CSMD2: variants seen among roughly 807,000 people sequenced by gnomAD.
CSMD2 encodes the protein CUB and sushi domain-containing protein 2.
A neutral mutation model predicts 398.5 loss-of-function variants in CSMD2; 130 were observed. The observed-to-expected ratio is 0.33, with a 90% CI of 0.28 to 0.38. CSMD2 has a LOEUF of 0.38. Ranked by LOEUF, CSMD2 falls within the 10% of genes least tolerant of loss-of-function variation. CSMD2 has a pLI of 1.00. For missense variants in CSMD2, 3,829 were observed against 4,764.9 expected, an observed-to-expected ratio of 0.80 and a Z score of 5.78; for synonymous variants, 1,828 against 1,908.5, an observed-to-expected ratio of 0.96 and a Z score of 1.10.
At chr1:33,821,544 TC>T (rs1325431496) in intron 7 of CSMD2, among the ~76,000 whole-genome samples, 1 of 152,176 alleles carries the variant, frequency 6.6e-6, no homozygotes, top group Non-Finnish European at 1.5e-5. Context: ...TTCGGCATTT[TC>T]CAACTTTGCG....
At chr1:33,928,658 C>T (rs10914817) in intron 4 of CSMD2, among the ~76,000 whole-genome samples, 17,194 of 152,222 alleles carry the variant, frequency 0.11, 1,108 homozygotes, top group Non-Finnish European at 0.15. Context: ...TATCGTGAAA[C>T]GTTCTGGTAT....
chr1:33,601,448 G>T (rs762468213), intron 43 of CSMD2, among the ~76,000 whole-genome samples: 7 of 152,142 alleles, frequency 4.6e-5, no homozygotes, highest in South Asian at 2.1e-4. Flanking sequence ...TGGGACAAAA[G>T]ATTTCTTCCC....
At chr1:33,914,935 A>G (rs1643646445) in intron 5 of CSMD2, among the ~76,000 whole-genome samples, 1 of 152,202 alleles carries the variant, frequency 6.6e-6, no homozygotes, top group African/African-American at 2.4e-5. Context: ...AAAATGACCA[A>G]TCCTATGTTT....
At chr1:34,131,443 T>C (rs1018953058) in intron 1 of CSMD2, among the ~76,000 whole-genome samples, 1 of 152,170 alleles carries the variant, frequency 6.6e-6, no homozygotes, top group Non-Finnish European at 1.5e-5. Context: ...TGTCCCTGTC[T>C]TGCACTCTCT....
intron 6 of CSMD2, among the ~76,000 whole-genome samples, chr1:33,831,579 G>A (rs1423458209): frequency 6.6e-6 from 1 of 151,738 alleles, no homozygotes; most frequent in East Asian, 1.9e-4. Flanking sequence ...AAAGACCATC[G>A]AGACTAGGAA....
At chr1:33,765,184 T>C (rs1650338004) in intron 13 of CSMD2, among the ~76,000 whole-genome samples, 1 of 152,194 alleles carries the variant, frequency 6.6e-6, no homozygotes, top group Non-Finnish European at 1.5e-5. Context: ...AAAATCCCAA[T>C]AGGATGTTTT....
At chr1:33,917,412 CAGAA>C (rs1474382627) in intron 5 of CSMD2, among the ~76,000 whole-genome samples, 1 of 152,216 alleles carries the variant, frequency 6.6e-6, no homozygotes, top group Non-Finnish European at 1.5e-5. Context: ...CTCACCCAAA[CAGAA>C]AGCCAGATAC....
rs1395540537 is a variant in CSMD2 at position 33,533,632 on chromosome 1, GA to G, written c.9991+163del. ...CCAATATCAGAAAGGCTTTTGTGTG[GA>G]AGTCTTCTGTGAGGCCCCAAAGTGT... On this transcript the variant is annotated intron_variant, in intron 63 of 70. Transcript: ENST00000373381. This position sits in a 1 kb window ranked among gnomAD's most constrained non-coding sequence, Gnocchi z 4.2. Among the ~76,000 whole-genome samples, 4 of 152,304 alleles carry G rather than the reference GA, an allele frequency of 2.6e-5. No homozygotes were observed. The highest frequency in any genetic ancestry group is 1.3e-4 in the Admixed American group (2 of 15,298).
chr1:34,032,807 A>T, intron 2 of CSMD2, 101 bp from the exon 3 acceptor site: 1 of 744,858 alleles, frequency 1.3e-6, no homozygotes, highest in East Asian at 3.0e-5. Flanking sequence ...GTGCTGATCT[A>T]GGCACACAGA....
In CSMD2 at chr1:33,693,559, TC is replaced by T. The variant is rs113736800; in HGVS notation, c.3926-504del. ...TGGTTCCTCAAAATGTTAAACATAG[TC>T]ACCATATGACCTAGCAATTCTGCTC... On this transcript the variant is annotated intron_variant, in intron 24 of 70. Coordinates refer to ENST00000373381, the MANE Select transcript of CSMD2 (RefSeq NM_001281956.2). 3.0e-3 allele frequency among the ~76,000 whole-genome samples: 450 copies of T among 152,298 alleles called. 6 individuals are homozygous for T. The highest frequency in any genetic ancestry group is 0.01 in the African/African-American group (433 of 41,566).
At chr1:33,850,724 A>C (rs1039175564) in intron 5 of CSMD2, among the ~76,000 whole-genome samples, 3 of 149,198 alleles carry the variant, frequency 2.0e-5, no homozygotes, top group Non-Finnish European at 4.4e-5. Context: ...AGTACAACAT[A>C]AAATGTATTT....
chr1:33,826,344 C>A (rs1007094264), intron 6 of CSMD2, among the ~76,000 whole-genome samples: 1 of 152,166 alleles, frequency 6.6e-6, no homozygotes, highest in Non-Finnish European at 1.5e-5. Context: ...TTGTGACTTG[C>A]TTTGGCCATG....
At chr1:33,648,516 A>G (rs1359140273) in intron 28 of CSMD2, among the ~76,000 whole-genome samples, 2 of 152,228 alleles carry the variant, frequency 1.3e-5, no homozygotes, top group Admixed American at 6.5e-5. Flanking sequence ...CTACCAGGGA[A>G]TGGAAGTGTA....
intron 1 of CSMD2, among the ~76,000 whole-genome samples, chr1:34,152,674 T>C (rs938417674): frequency 2.0e-5 from 3 of 152,208 alleles, no homozygotes; most frequent in Non-Finnish European, 4.4e-5. Context: ...CCTTGATCCC[T>C]TGTGTCTAAA....
At chr1:33,562,674 G>C (rs1658682411) in intron 53 of CSMD2, among the ~76,000 whole-genome samples, 1 of 152,210 alleles carries the variant, frequency 6.6e-6, no homozygotes, top group African/African-American at 2.4e-5. Context: ...AGATGTTTCT[G>C]TGAAGGGGTA....
chr1:33,519,269 C>T lies in CSMD2; in HGVS notation c.*53+196G>A, dbSNP rs186478099. Among the ~76,000 whole-genome samples the T allele has an allele frequency of 3.2e-4, 49 of 152,328 alleles. No homozygotes were observed. The East Asian group carries it at 5.4e-3, about 17-fold the overall frequency. Reference sequence around the variant, plus strand: ...TCCCACAAGCTTCTACCTCACAGGGCGTGCAGGGATTCAATATATTAGATC... The same window carrying T: ...TCCCACAAGCTTCTACCTCACAGGGTGTGCAGGGATTCAATATATTAGATC... On this transcript the variant is annotated intron_variant, in intron 70 of 70. Coordinates refer to ENST00000373381, the MANE Select transcript of CSMD2 (RefSeq NM_001281956.2). The surrounding 1 kb of genome is among the most constrained non-coding windows in gnomAD (Gnocchi z 5.6).
At chr1:33,622,067 G>T in intron 37 of CSMD2, 100 bp downstream of exon 37, 1 of 880,436 alleles carries the variant, frequency 1.1e-6, no homozygotes, top group Non-Finnish European at 1.9e-6. Context: ...TAAGTGGGAT[G>T]GACAATATGC....
At chr1:33,603,091 C>T (rs1395187844) in intron 42 of CSMD2, among the ~76,000 whole-genome samples, 2 of 152,100 alleles carry the variant, frequency 1.3e-5, no homozygotes, top group African/African-American at 4.8e-5. Context: ...GTTTAGCCTC[C>T]CTGAGTCTCC....
At chr1:33,699,743 C>A (rs1053967999) in intron 23 of CSMD2, among the ~76,000 whole-genome samples, 1 of 152,220 alleles carries the variant, frequency 6.6e-6, no homozygotes, top group African/African-American at 2.4e-5. Flanking sequence ...AATCCAATGT[C>A]TTTTAGTAGA....
Sources: gnomAD v4.1 joint callset for allele counts (sites outside exome capture counted in the v4.1 genomes callset) on GRCh38, gnomAD v4.1.1 for gene constraint, Gnocchi (gnomAD v3.1) non-coding constraint, MANE v1.5 for transcripts, NCBI Gene and HGNC (gene_info 2026-07-23, HGNC 2026-07-21) for gene names.